The following PTK2 variants were observed in gnomAD, a reference collection of about 807,000 sequenced individuals.
PTK2 encodes the protein focal adhesion kinase 1.
PTK2 carries 45 observed loss-of-function variants against 150.1 expected under a neutral mutation model. The ratio of observed to expected loss-of-function variants is 0.30; its 90% CI spans 0.24 to 0.38. PTK2 has a LOEUF of 0.38. Among genes scored for constraint, PTK2 ranks in the 10% least tolerant of loss-of-function variants. The pLI is 1.00. For missense variants in PTK2, 919 were observed against 1,307.3 expected, an observed-to-expected ratio of 0.70 and a Z score of 4.58; for synonymous variants, 432 against 449.2, an observed-to-expected ratio of 0.96 and a Z score of 0.48.
chr8:140,953,391 G>A (rs561611930), intron 1 of PTK2, among the ~76,000 whole-genome samples: 1 of 152,278 alleles, frequency 6.6e-6, no homozygotes, highest in Non-Finnish European at 1.5e-5. Flanking sequence ...GGGCCATGAT[G>A]AAATAAACTA....
At chr8:140,847,731 TCTAAA>T (rs2100126478) in intron 5 of PTK2, among the ~76,000 whole-genome samples, 1 of 152,186 alleles carries the variant, frequency 6.6e-6, no homozygotes, top group East Asian at 1.9e-4. Flanking sequence ...TTCCTGAAAG[TCTAAA>T]CTATTTACTC....
chr8:140,676,867 G>A (rs993955423), intron 27 of PTK2, among the ~76,000 whole-genome samples: 1 of 148,610 alleles, frequency 6.7e-6, no homozygotes, highest in African/African-American at 2.5e-5. Flanking sequence ...TGAACCTGGT[G>A]GGGGCGGAAA....
intron 1 of PTK2, among the ~76,000 whole-genome samples, chr8:140,967,518 C>T (rs550959483): frequency 1.4e-5 from 2 of 146,610 alleles, no homozygotes; most frequent in East Asian, 2.0e-4. Flanking sequence ...TGGAGTGCAG[C>T]GGTGCAATCT....
intron 21 of PTK2, among the ~76,000 whole-genome samples, chr8:140,737,244 C>A (rs1446705949): frequency 1.3e-5 from 2 of 152,138 alleles, no homozygotes; most frequent in Non-Finnish European, 2.9e-5. Context: ...CTGAAACTAT[C>A]GGCATGCGCC....
chr8:140,704,799 G>C (rs972307979), intron 24 of PTK2, among the ~76,000 whole-genome samples: 1 of 152,094 alleles, frequency 6.6e-6, no homozygotes, highest in African/African-American at 2.4e-5. Flanking sequence ...TTATGGAAAT[G>C]GTAGTAATCC....
chr8:140,798,839 A>C (rs1380817302), intron 12 of PTK2, among the ~76,000 whole-genome samples: 2 of 152,234 alleles, frequency 1.3e-5, no homozygotes, highest in Non-Finnish European at 2.9e-5. Flanking sequence ...TTAAAGTATA[A>C]AGTGCGACAC....
intron 7 of PTK2, among the ~76,000 whole-genome samples, chr8:140,838,627 G>A (rs916243070): frequency 1.3e-5 from 2 of 152,176 alleles, no homozygotes; most frequent in East Asian, 1.9e-4. Context: ...ACCAGCATCT[G>A]TTAAGCTACC....
intron 27 of PTK2, among the ~76,000 whole-genome samples, chr8:140,677,118 T>C (rs376081260): frequency 2.6e-5 from 4 of 152,172 alleles, no homozygotes; most frequent in East Asian, 1.9e-4. Flanking sequence ...TATGGATGTC[T>C]CCAGTTGACC....
At chr8:140,835,097 A>C (rs576011072) in intron 7 of PTK2, among the ~76,000 whole-genome samples, 1 of 152,288 alleles carries the variant, frequency 6.6e-6, no homozygotes, top group South Asian at 2.1e-4. Context: ...TTCCCCACTC[A>C]CTGAGATGAA....
At chr8:140,671,552 A>G (rs972153127) in intron 29 of PTK2, among the ~76,000 whole-genome samples, 1 of 152,060 alleles carries the variant, frequency 6.6e-6, no homozygotes, top group Non-Finnish European at 1.5e-5. Context: ...CTGTTCTTTT[A>G]GGATGGATTC....
intron 10 of PTK2, among the ~76,000 whole-genome samples, chr8:140,810,652 C>T (rs570803521): frequency 1.1e-3 from 172 of 152,182 alleles, no homozygotes; most frequent in Non-Finnish European, 1.9e-3. Flanking sequence ...TATTGCCTTC[C>T]GTGCCTCACC....
At chr8:140,760,373 T>G (rs1480510647) in intron 16 of PTK2, among the ~76,000 whole-genome samples, 1 of 152,220 alleles carries the variant, frequency 6.6e-6, no homozygotes, top group Non-Finnish European at 1.5e-5. Context: ...GGTCTATATC[T>G]ATACAAAAGA....
rs1238639236 is a variant in PTK2 at position 140,714,734 on chromosome 8, T to C, written c.2142+2864A>G. Reference sequence around the variant, plus strand: ...ATTGCTTGAACCCAGGAGGCAGAGGTTGCAATGAGCCAAGATTGCGCCACT... The same window carrying C: ...ATTGCTTGAACCCAGGAGGCAGAGGCTGCAATGAGCCAAGATTGCGCCACT... On this transcript the variant is annotated intron_variant, in intron 23 of 31. Transcript: ENST00000522684. Among the ~76,000 whole-genome samples the C allele has an allele frequency of 7.3e-5, 10 of 136,662 alleles. No individual in the cohort carries two copies. In the Admixed American group the frequency reaches 7.7e-4, roughly 11 times the overall value. The allele number at this position is 136,662 out of a possible 152,430, so 89.7% of individuals were successfully genotyped here.
intron 26 of PTK2, among the ~76,000 whole-genome samples, chr8:140,699,614 C>G (rs990374037): frequency 6.6e-6 from 1 of 152,192 alleles, no homozygotes; most frequent in Non-Finnish European, 1.5e-5. Flanking sequence ...TCTTGTTATA[C>G]AGCCTGCAGT....
At chr8:140,997,441 T>G (rs1233643177) in intron 1 of PTK2, among the ~76,000 whole-genome samples, 1 of 152,214 alleles carries the variant, frequency 6.6e-6, no homozygotes, top group Non-Finnish European at 1.5e-5. Flanking sequence ...CATCACATAC[T>G]CTGGAGAAAT....
rs188114187 is a variant in PTK2 at position 140,759,021 on chromosome 8, T to C, written c.1332+2144A>G. Among the ~76,000 whole-genome samples, 20 of 152,352 alleles carry C rather than the reference T, an allele frequency of 1.3e-4. No individual in the cohort carries two copies. In the East Asian group the frequency reaches 3.9e-3, roughly 29 times the overall value. The stretch of plus-strand genomic sequence containing the variant: ...TTTGTAGCCTAGGAGCAACAGGCTA[T>C]ATTATATAGCCTAGATGTGTAGTAG... On this transcript the variant is annotated intron_variant, in intron 16 of 31. Transcript: ENST00000522684.
At chr8:140,762,224 G>C in intron 15 of PTK2, 144 bp downstream of exon 18, 1 of 266,038 alleles carries the variant, frequency 3.8e-6, no homozygotes, top group Non-Finnish European at 5.9e-6. Context: ...AATCACTTTA[G>C]CTAGTAGTTC....
intron 2 of PTK2, among the ~76,000 whole-genome samples, chr8:140,914,520 A>G (rs1602559297): frequency 6.6e-6 from 1 of 151,686 alleles, no homozygotes; most frequent in Admixed American, 6.6e-5. Context: ...AGATTATTTC[A>G]CCATCCAGGT....
intron 5 of PTK2, among the ~76,000 whole-genome samples, chr8:140,858,666 T>C (rs1275584409): frequency 6.6e-6 from 1 of 152,040 alleles, no homozygotes; most frequent in Non-Finnish European, 1.5e-5. Context: ...TACCCAGCAA[T>C]ACTATTTTTC....
Sources: gnomAD v4.1 joint callset for allele counts (sites outside exome capture counted in the v4.1 genomes callset) on GRCh38, gnomAD v4.1.1 for gene constraint, MANE v1.5 for transcripts, NCBI Gene and HGNC (gene_info 2026-07-23, HGNC 2026-07-21) for gene names.